COG3: variants seen among roughly 807,000 people sequenced by gnomAD.
COG3 encodes the protein conserved oligomeric Golgi complex subunit 3.
Under a neutral mutation model 114.1 loss-of-function variants are expected in COG3, and 32 were observed. The observed-to-expected ratio is 0.28, with a 90% CI of 0.21 to 0.38. COG3 has a LOEUF of 0.38. Among genes scored for constraint, COG3 ranks in the 10% least tolerant of loss-of-function variants. COG3 has a pLI of 1.00. For synonymous variants in COG3, 352 were observed against 365.7 expected (o/e 0.96, Z 0.43); for missense variants, 813 against 973.2 (o/e 0.84, Z 2.19).
In COG3 at chr13:45,518,829, C is replaced by G. The variant is rs761611733; in HGVS notation, c.1998C>G (p.Ala666=). 7 of 1,613,816 alleles carry G rather than the reference C, an allele frequency of 4.3e-6. No homozygotes were observed. In the Admixed American group the frequency reaches 1.2e-4, roughly 27 times the overall value. Residue 666 remains alanine, a synonymous_variant, in exon 18 of 23, where the codon GCC becomes GCG. Coordinates refer to ENST00000349995, the MANE Select transcript of COG3 (RefSeq NM_031431.4). ...TTTTTAGGCTGAATAGCAACAATGC[C>G]TTGATAGAGTTCTTGTTGGAGGTGA... is the stretch of plus-strand genomic sequence containing the variant. ...PRFFRLNSNN[A]LIEFLLEGTP...
intron 14 of COG3, among the ~76,000 whole-genome samples, chr13:45,508,798 A>G (rs938460272): frequency 6.6e-5 from 10 of 152,230 alleles, no homozygotes; most frequent in Admixed American, 6.5e-4. Flanking sequence ...TCTTCCTCAC[A>G]GTCGCCAGAG....
chr13:45,471,835 C>T (rs937654254), intron 1 of COG3, among the ~76,000 whole-genome samples: 5 of 151,844 alleles, frequency 3.3e-5, no homozygotes, highest in South Asian at 2.1e-4. Flanking sequence ...CAGGTTCAAG[C>T]GACTCTCCTG....
At chr13:45,466,727 A>G (rs575270728) in intron 1 of COG3, 5 of 152,312 alleles carry the variant, frequency 3.3e-5, no homozygotes, top group African/African-American at 1.2e-4. Flanking sequence ...ATATTCTACA[A>G]AAAAATTTGT....
At chr13:45,479,551 T>C (rs1365387914) in intron 3 of COG3, among the ~76,000 whole-genome samples, 1 of 152,226 alleles carries the variant, frequency 6.6e-6, no homozygotes, top group Non-Finnish European at 1.5e-5. Context: ...CTATTATTGC[T>C]AGGCAGTGTG....
chr13:45,531,511 T>TG (rs1242427417), intron 22 of COG3, among the ~76,000 whole-genome samples: 1 of 149,872 alleles, frequency 6.7e-6, no homozygotes, highest in Non-Finnish European at 1.5e-5. Flanking sequence ...TGTGTTTTTG[T>TG]TTTGTTTTGT....
At chr13:45,530,869 T>C (rs1486424452) in intron 22 of COG3, 89 bp downstream of exon 22, 2 of 1,393,192 alleles carry the variant, frequency 1.4e-6, no homozygotes, top group African/African-American at 1.5e-5. Context: ...AACATATTTT[T>C]AGTATTAATT....
chr13:45,486,662 T>C, intron 8 of COG3, 87 bp downstream of exon 8: 1 of 814,040 alleles, frequency 1.2e-6, no homozygotes, highest in South Asian at 1.4e-5. Flanking sequence ...GCTCTTTGTT[T>C]ATACCGAGGA....
intron 16 of COG3, among the ~76,000 whole-genome samples, chr13:45,512,988 A>ATTT (rs11449840): frequency 1.4e-5 from 2 of 146,436 alleles, no homozygotes; most frequent in African/African-American, 5.0e-5. Context: ...AGACCCTGAG[A>ATTT]TTTTTTTTTT....
chr13:45,480,150 T>A lies in COG3; in HGVS notation c.409T>A (p.Phe137Ile). 1 of 1,612,050 alleles carries A rather than the reference T, an allele frequency of 6.2e-7. No homozygotes were observed. Among genetic ancestry groups the A allele is most frequent in the Non-Finnish European group, 8.5e-7 (1 of 1,178,822 alleles). The change falls in exon 4 of 23, where the codon TTT becomes ATT. Residue 137 changes from phenylalanine to isoleucine, a missense_variant. By Grantham distance (21) the Phe-to-Ile change is conservative. Transcript: ENST00000349995. ...ACAGATGAGGGATTACTTGTCTGGGTTTCAGGAGCAGTGTGATGCTATATT... is the reference window on the plus strand; with the variant it reads ...ACAGATGAGGGATTACTTGTCTGGGATTCAGGAGCAGTGTGATGCTATATT... ...YRQMRDYLSGFQEQCDAILND... is the reference protein window; with the variant it reads ...YRQMRDYLSGIQEQCDAILND...
At chr13:45,483,012 A>G (rs769899834) in intron 6 of COG3, among the ~76,000 whole-genome samples, 3 of 152,216 alleles carry the variant, frequency 2.0e-5, no homozygotes, top group Non-Finnish European at 4.4e-5. Context: ...ACAACTGCAA[A>G]TATGTATGGA....
Position 45,526,076 on chromosome 13 carries a change from A to ATTTTTTTTTTTTT in COG3, c.2230+1043_2230+1055dup, listed in dbSNP as rs386379016. ...GCTATTCAAAGCCTCCAAAATTTTA[A>ATTTTTTTTTTTTT]TTTTTTTTTTTTTTTTTTTTTTTTT... On this transcript the variant is annotated intron_variant, in intron 20 of 22. Coordinates refer to ENST00000349995, the MANE Select transcript of COG3 (RefSeq NM_031431.4). 3.6e-3 allele frequency among the ~76,000 whole-genome samples: 204 copies of ATTTTTTTTTTTTT among 56,590 alleles called. 29 individuals carry two copies. The highest frequency in any genetic ancestry group is 3.9e-3 in the Non-Finnish European group (129 of 32,998). 37.1% of individuals were successfully genotyped at this position (56,590 alleles called of 152,430 possible). A position where few individuals can be genotyped will look rare whatever the true frequency, so the allele number is the denominator to read the frequency against.
chr13:45,529,953 G>A (rs1873023735), intron 21 of COG3, 35 bp downstream of exon 21: 1 of 1,584,088 alleles, frequency 6.3e-7, no homozygotes. Flanking sequence ...ATGTTGGCGG[G>A]TGACTTCAAG....
intron 8 of COG3, among the ~76,000 whole-genome samples, 166 bp from the exon 9 acceptor site, chr13:45,490,749 A>G (rs1231889759): frequency 6.9e-6 from 1 of 145,190 alleles, no homozygotes; most frequent in Non-Finnish European, 1.5e-5. Flanking sequence ...GAAAGAAAAT[A>G]TACTGAAATG....
chr13:45,529,651 T>C, intron 20 of COG3, 140 bp from the exon 21 acceptor site: 1 of 634,202 alleles, frequency 1.6e-6, no homozygotes, highest in Non-Finnish European at 2.6e-6. Context: ...AAATAAGCTA[T>C]AAAAATGAAA....
Position 45,534,905 on chromosome 13 carries a change from T to A in COG3, c.*174T>A. On this transcript the variant is annotated 3_prime_UTR_variant, in exon 23 of 23. Coordinates refer to ENST00000349995, the MANE Select transcript of COG3 (RefSeq NM_031431.4). ...TAGAAGCAAAGTGTTACAGGATCAGTGTTTTCTTTTCTAAAACATCAAAAT... is the reference window on the plus strand; with the variant it reads ...TAGAAGCAAAGTGTTACAGGATCAGAGTTTTCTTTTCTAAAACATCAAAAT... 8.0e-7 allele frequency: 1 copy of A among 1,254,130 alleles called. No individual in the cohort carries two copies. The highest frequency in any genetic ancestry group is 1.0e-6 in the Non-Finnish European group (1 of 1,000,894). 77.7% of individuals were successfully genotyped at this position (1,254,130 alleles called of 1,614,324 possible).
intron 12 of COG3, among the ~76,000 whole-genome samples, chr13:45,494,217 C>CGTA (rs1566253410): frequency 6.6e-6 from 1 of 151,064 alleles, no homozygotes; most frequent in African/African-American, 2.4e-5. Context: ...CTCAACTACT[C>CGTA]GGGAGGCTTA....
Position 45,513,248 on chromosome 13 carries a change from CATATAATATATACATATAAATT to C in COG3, c.1809+1400_1809+1421del, listed in dbSNP as rs1566265780. 5.7e-4 allele frequency among the ~76,000 whole-genome samples: 20 copies of C among 35,288 alleles called. 1 individual carries two copies. Among genetic ancestry groups the C allele is most frequent in the African/African-American group, 1.4e-3 (18 of 12,996 alleles). The allele number at this position is 35,288 out of a possible 152,430, so 23.2% of individuals were successfully genotyped here. A position where few individuals can be genotyped will look rare whatever the true frequency, so the allele number is the denominator to read the frequency against. ...ATATAATATATACATATAAATTATA[CATATAATATATACATATAAATT>C]ATATATAATATATACATATAAATTA... On this transcript the variant is annotated intron_variant, in intron 16 of 22. Transcript: ENST00000349995.
chr13:45,512,008 A>G, intron 16 of COG3, 154 bp downstream of exon 16: 1 of 621,218 alleles, frequency 1.6e-6, no homozygotes, highest in Non-Finnish European at 2.9e-6. Context: ...CTGTTATTTC[A>G]TTATAGTGCT....
chr13:45,470,020 T>G (rs1215984272), intron 1 of COG3, among the ~76,000 whole-genome samples: 1 of 152,188 alleles, frequency 6.6e-6, no homozygotes, highest in Admixed American at 6.5e-5. Context: ...GAGACTTGCT[T>G]TTCACTTAAA....
Sources: allele counts gnomAD v4.1 joint callset (sites outside exome capture counted in the v4.1 genomes callset), GRCh38; gene constraint gnomAD v4.1.1; transcripts MANE v1.5; gene names NCBI Gene and HGNC (gene_info 2026-07-23, HGNC 2026-07-21).